JMJD7: variants seen among roughly 807,000 people sequenced by gnomAD.
JMJD7 encodes the protein bifunctional peptidase and (3S)-lysyl hydroxylase JMJD7.
In JMJD7, 41 loss-of-function variants were observed where a neutral mutation model predicts 41.1. The observed-to-expected ratio is 1.00, with a 90% confidence interval of 0.78 to 1.30. The LOEUF (loss-of-function observed/expected upper bound fraction) is 1.30, where lower values mean the gene tolerates loss of function less well. JMJD7 is among the 50% of genes most tolerant of loss of function. The pLI is 0.00. For missense variants in JMJD7, 480 were observed against 420.7 expected (o/e 1.14, Z -1.23); for synonymous variants, 202 against 177.2 (o/e 1.14, Z -1.11).
intron 1 of JMJD7, among the ~76,000 whole-genome samples, 195 bp from the exon 2 acceptor site, chr15:41,834,545 G>A (rs900360890): frequency 6.6e-6 from 1 of 152,254 alleles, no homozygotes; most frequent in African/African-American, 2.4e-5. Flanking sequence ...GCCCATGCTG[G>A]TGTGTGTGCG....
At chr15:41,828,438 C>T (rs1160488533) in intron 1 of JMJD7, 2 of 421,028 alleles carry the variant, frequency 4.8e-6, no homozygotes, top group Non-Finnish European at 8.3e-6. Context: ...CCCTGTGTTT[C>T]CTACAGTCTT....
At position 41,834,902 on chromosome 15, in the gene JMJD7, T is replaced by C. The variant is rs371335846; in HGVS notation, c.218+9T>C. 160 of 1,613,720 alleles carry C rather than the reference T, an allele frequency of 9.9e-5. No individual in the cohort carries two copies. In the African/African-American group the frequency reaches 1.9e-3, roughly 19 times the overall value. ...TCCCTCCCCTATTTCAGGTGGGAGC[T>C]GCCCTGGGGTCAGGTGTGAGCAGTG... On this transcript the variant is annotated intron_variant, in intron 2 of 7. Coordinates refer to ENST00000397299, the MANE Select transcript of JMJD7 (RefSeq NM_001114632.2).
intron 3 of JMJD7, 65 bp downstream of exon 3, chr15:41,835,288 T>A: frequency 6.5e-7 from 1 of 1,539,614 alleles, no homozygotes; most frequent in Non-Finnish European, 8.7e-7. Flanking sequence ...GGGGTCAGCC[T>A]GTTTGCCCTT....
At chr15:41,831,413 G>A (rs1402382843) in intron 1 of JMJD7, among the ~76,000 whole-genome samples, 1 of 152,232 alleles carries the variant, frequency 6.6e-6, no homozygotes, top group East Asian at 1.9e-4. Flanking sequence ...GACTGGCATG[G>A]TGTGGCTGTG....
At position 41,836,055 on chromosome 15, in the gene JMJD7, G is replaced by A. The variant is rs1343755305; in HGVS notation, c.530-93G>A. ...GCGTGCTTCTCTTTTGTCATAGGAC[G>A]TCTTGGGGTGCAGGGCTCTCAGCAT... On this transcript the variant is annotated intron_variant, in intron 4 of 7. Coordinates refer to ENST00000397299, the MANE Select transcript of JMJD7 (RefSeq NM_001114632.2). 32 of 1,340,686 alleles carry A rather than the reference G, an allele frequency of 2.4e-5. No individual in the cohort carries two copies. The East Asian group carries it at 5.4e-4, about 22-fold the overall frequency. 83.0% of individuals were successfully genotyped at this position (1,340,686 alleles called of 1,614,324 possible). A position where few individuals can be genotyped will look rare whatever the true frequency, so the allele number is the denominator to read the frequency against.
chr15:41,836,023 G>T, intron 4 of JMJD7, 125 bp from the exon 5 acceptor site: 1 of 1,025,472 alleles, frequency 9.8e-7, no homozygotes, highest in Non-Finnish European at 1.4e-6. Context: ...CAGCCCACTG[G>T]CTCTGTGCGT....
At chr15:41,836,040 CTT>C in intron 4 of JMJD7, 106 bp from the exon 5 acceptor site, 1 of 1,241,450 alleles carries the variant, frequency 8.1e-7, no homozygotes, top group Non-Finnish European at 1.1e-6. Flanking sequence ...GCGTGCTTCT[CTT>C]TTGTCATAGG....
chr15:41,828,465 C>T, intron 1 of JMJD7: 1 of 357,740 alleles, frequency 2.8e-6, no homozygotes, highest in Non-Finnish European at 5.0e-6. Context: ...CTTGCTGTTA[C>T]CCTTGTTGAA....
At chr15:41,837,030 G>T in intron 7 of JMJD7, 38 bp from the exon 8 acceptor site, 1 of 1,607,232 alleles carries the variant, frequency 6.2e-7, no homozygotes, top group Non-Finnish European at 8.5e-7. Flanking sequence ...TAGGTCAGAA[G>T]AGGGATCTTC....
chr15:41,834,885 C>T lies in JMJD7; in HGVS notation c.210C>T (p.Pro70=). ...CGGCCCTCCAGAAGTGGTCCCTCCC[C>T]TATTTCAGGTGGGAGCTGCCCTGGG... ...HWPALQKWSL[P]YFRATVGSTE... The change falls in exon 2 of 8, where the codon CCC becomes CCT. Residue 70 remains proline, a synonymous_variant. Transcript: ENST00000397299. 1.2e-6 allele frequency: 2 copies of T among 1,613,940 alleles called. No homozygotes were observed. Among genetic ancestry groups the T allele is most frequent in the Non-Finnish European group, 1.7e-6 (2 of 1,179,842 alleles).
intron 1 of JMJD7, among the ~76,000 whole-genome samples, chr15:41,833,729 A>G (rs1317038122): frequency 1.3e-5 from 2 of 152,082 alleles, no homozygotes; most frequent in Non-Finnish European, 2.9e-5. Flanking sequence ...CCTAAAATAT[A>G]TAGCATGTCA....
At chr15:41,836,283 TG>T in intron 5 of JMJD7, 40 bp downstream of exon 5, 2 of 1,610,348 alleles carry the variant, frequency 1.2e-6, no homozygotes, top group Non-Finnish European at 1.7e-6. Context: ...GGGGAACAGC[TG>T]GCCCAAGGGG....
intron 6 of JMJD7, 32 bp downstream of exon 6, chr15:41,836,583 G>A: frequency 1.3e-5 from 20 of 1,526,076 alleles, no homozygotes; most frequent in Non-Finnish European, 1.8e-5. Context: ...TCTAGGGAGG[G>A]AGAAGGGCAG....
chr15:41,837,023 G>C, intron 7 of JMJD7, 45 bp from the exon 8 acceptor site: 5 of 1,609,634 alleles, frequency 3.1e-6, no homozygotes, highest in East Asian at 2.2e-5. Context: ...GAGGCTCTAG[G>C]TCAGAAGAGG....
rs765775424 is a variant in JMJD7 at position 41,834,814 on chromosome 15, T to A, written c.139T>A (p.Cys47Ser). Reference sequence around the variant, plus strand: ...GCTCCACTTCTACCGGGACTGGGTCTGCCCCAACAGGCCGTGCATTATCCG... The same window carrying A: ...GCTCCACTTCTACCGGGACTGGGTCAGCCCCAACAGGCCGTGCATTATCCG... ...TPLHFYRDWVCPNRPCIIRNA... is the reference protein window; with the variant it reads ...TPLHFYRDWVSPNRPCIIRNA... Residue 47 changes from cysteine to serine, a missense_variant, in exon 2 of 8, where the codon TGC becomes AGC. Coordinates refer to ENST00000397299, the MANE Select transcript of JMJD7 (RefSeq NM_001114632.2). 16 of 1,614,110 alleles carry A rather than the reference T, an allele frequency of 9.9e-6. No individual in the cohort carries two copies. Among genetic ancestry groups the A allele is most frequent in the Admixed American group, 1.7e-5 (1 of 60,008 alleles).
chr15:41,834,975 C>G lies in JMJD7; in HGVS notation c.224C>G (p.Thr75Arg), dbSNP rs1055909666. The G allele has an allele frequency of 6.2e-7, 1 of 1,614,138 alleles. No individual in the cohort carries two copies. The highest frequency in any genetic ancestry group is 8.5e-7 in the Non-Finnish European group (1 of 1,180,040). The stretch of plus-strand genomic sequence containing the variant: ...CTGAGTGTCCATTCCTCTAGAGCCA[C>G]AGTGGGCTCCACAGAGGTGAGTGTG... ...QKWSLPYFRATVGSTEVSVAV... is the reference protein window; with the variant it reads ...QKWSLPYFRARVGSTEVSVAV... The change falls in exon 3 of 8, where the codon ACA becomes AGA. Residue 75 changes from threonine (T) to arginine (R), a missense_variant. Transcript: ENST00000397299.
At chr15:41,832,981 C>T (rs1446432694) in intron 1 of JMJD7, among the ~76,000 whole-genome samples, 1 of 152,204 alleles carries the variant, frequency 6.6e-6, no homozygotes, top group African/African-American at 2.4e-5. Context: ...GTGGCAAGGG[C>T]AGGCACGAGA....
In JMJD7 at chr15:41,835,672, G is replaced by C. The variant is rs368294697; in HGVS notation, c.529+28G>C. 13 of 1,607,790 alleles carry C rather than the reference G, an allele frequency of 8.1e-6. No homozygotes were observed. In the East Asian group the frequency reaches 1.3e-4, roughly 17 times the overall value. On this transcript the variant is annotated intron_variant, in intron 4 of 7. Transcript: ENST00000397299. ...AGGTGTAAGGGGAATACAAAGGTGGGGAAGGAGCAGGTTGGGGCAGAGGGA... is the reference window on the plus strand; with the variant it reads ...AGGTGTAAGGGGAATACAAAGGTGGCGAAGGAGCAGGTTGGGGCAGAGGGA...
intron 1 of JMJD7, among the ~76,000 whole-genome samples, chr15:41,830,600 C>T (rs1401604955): frequency 2.6e-5 from 4 of 152,176 alleles, no homozygotes; most frequent in African/African-American, 9.7e-5. Flanking sequence ...CAGGCAGGAG[C>T]CCCACCCTCC....
Sources: allele counts gnomAD v4.1 joint callset (sites outside exome capture counted in the v4.1 genomes callset), GRCh38; gene constraint gnomAD v4.1.1; transcripts MANE v1.5; gene names NCBI Gene and HGNC (gene_info 2026-07-23, HGNC 2026-07-21).